Variants in CHD1L observed in about 807,000 individuals in gnomAD.
The protein encoded by CHD1L is chromodomain helicase DNA binding protein 1 like, also known as ATP-dependent chromatin remodeler CHD1L.
Under a neutral mutation model 115.9 loss-of-function variants are expected in CHD1L, and 118 were observed. The ratio of observed to expected loss-of-function variants is 1.02; its 90% CI spans 0.88 to 1.19. CHD1L has a LOEUF of 1.19. CHD1L is among the 50% of genes most tolerant of loss of function. The pLI is 0.00. For synonymous variants in CHD1L, 411 were observed against 387.1 expected, an observed-to-expected ratio of 1.06 and a Z score of -0.72; for missense variants, 1,179 against 1,065.3, an observed-to-expected ratio of 1.11 and a Z score of -1.49.
intron 6 of CHD1L, among the ~76,000 whole-genome samples, chr1:147,263,063 A>G (rs1672544217): frequency 6.6e-6 from 1 of 152,160 alleles, no homozygotes; most frequent in Non-Finnish European, 1.5e-5. Context: ...GTGTATATAC[A>G]TATGTATGTA....
intron 19 of CHD1L, among the ~76,000 whole-genome samples, chr1:147,290,126 T>A (rs1230088430): frequency 6.6e-6 from 1 of 152,150 alleles, no homozygotes; most frequent in Non-Finnish European, 1.5e-5. Flanking sequence ...GGAGTCTCAT[T>A]GTCTGGAGTG....
the CHD1L span, chr1:147,184,229 C>T: frequency 3.6e-5 from 8 of 222,282 alleles, no homozygotes; most frequent in South Asian, 8.8e-4. The surrounding 1 kb of genome is among the most constrained non-coding windows in gnomAD (Gnocchi z 4.4). Flanking sequence ...AATAACTCCA[C>T]ATTTCTTTTT....
At chr1:147,223,983 C>T in the CHD1L span, 1 of 414,088 alleles carries the variant, frequency 2.4e-6, no homozygotes, top group Admixed American at 2.7e-5. Context: ...AACACAATCA[C>T]CACCTTGGTG....
chr1:147,251,817 T>C (rs377170075), intron 1 of CHD1L, among the ~76,000 whole-genome samples: 11 of 152,192 alleles, frequency 7.2e-5, no homozygotes, highest in Non-Finnish European at 1.6e-4. Flanking sequence ...AGGCGTGAGA[T>C]ACTGTAATTT....
At chr1:147,280,357 C>G (rs1461957737) in intron 15 of CHD1L, among the ~76,000 whole-genome samples, 166 bp downstream of exon 15, 3 of 152,146 alleles carry the variant, frequency 2.0e-5, no homozygotes, top group Non-Finnish European at 4.4e-5. Flanking sequence ...GAACGTTACC[C>G]AAACTAACTG....
At chr1:147,208,731 G>A in the CHD1L span, 1 of 777,332 alleles carries the variant, frequency 1.3e-6, no homozygotes, top group East Asian at 2.6e-5. Flanking sequence ...GAGCCACCAT[G>A]CCCAGCCACT....
chr1:147,240,939 T>C (rs1451927497), upstream of CHD1L, among the ~76,000 whole-genome samples: 2 of 152,178 alleles, frequency 1.3e-5, no homozygotes, highest in Non-Finnish European at 2.9e-5. Flanking sequence ...CTCTGTATGC[T>C]GAGCGCCGGT....
Position 147,294,605 on chromosome 1 carries a change from C to T in CHD1L, c.2615+88C>T. The T allele has an allele frequency of 3.1e-6, 3 of 976,456 alleles. No individual in the cohort carries two copies. The African/African-American group carries it at 4.9e-5, about 16-fold the overall frequency. The allele number at this position is 976,456 out of a possible 1,614,324, so 60.5% of individuals were successfully genotyped here. A position where few individuals can be genotyped will look rare whatever the true frequency, so the allele number is the denominator to read the frequency against. ...CTGGTGTCAGTTCTTAATCCAAGAC[C>T]AAGTTTCTTCCTGCCACAGTCTTTA... is the stretch of plus-strand genomic sequence containing the variant. On this transcript the variant is annotated intron_variant, in intron 22 of 22. Transcript: ENST00000369258.
chr1:147,287,642 T>C lies in CHD1L; in HGVS notation c.2229T>C (p.Ser743=), dbSNP rs1553967026. Residue 743 remains serine (S), a synonymous_variant, in exon 19 of 23, where the codon TCT becomes TCC. Transcript: ENST00000369258. ...DALIVHCVDD[S]GHWGRGGLFT... is the part of the protein sequence containing the mutation. ...TTCTCTTTCTTCAAACAGATGACTC[T>C]GGCCACTGGGGCAGAGGTGGTTTAT... 1.2e-6 allele frequency: 2 copies of C among 1,613,666 alleles called. No homozygotes were observed. The highest frequency in any genetic ancestry group is 1.7e-5 in the Admixed American group (1 of 59,990).
Position 147,278,221 on chromosome 1 carries a change from G to GAT in CHD1L, c.1540-1805_1540-1804insAT, listed in dbSNP as rs1572026585. Reference sequence around the variant, plus strand: ...GATTTTTGTTTGTTTTTGTTTTTTGGGTTTTTTTTTTTTTTTTTTTTTGAG... The same window carrying GAT: ...GATTTTTGTTTGTTTTTGTTTTTTGGATGTTTTTTTTTTTTTTTTTTTTTGAG... On this transcript the variant is annotated intron_variant, in intron 14 of 22. Coordinates refer to ENST00000369258, the MANE Select transcript of CHD1L (RefSeq NM_004284.6). Among the ~76,000 whole-genome samples, 13 of 55,042 alleles carry GAT rather than the reference G, an allele frequency of 2.4e-4. No homozygotes were observed. The South Asian group carries it at 9.4e-3, about 40-fold the overall frequency. 36.1% of individuals were successfully genotyped at this position (55,042 alleles called of 152,430 possible).
chr1:147,287,527 C>A, intron 18 of CHD1L, 108 bp from the exon 19 acceptor site: 1 of 724,264 alleles, frequency 1.4e-6, no homozygotes, highest in Non-Finnish European at 2.3e-6. Flanking sequence ...TGTTTCTTCC[C>A]TTTGAAAAAT....
At chr1:147,250,156 C>T (rs1232026717) in intron 1 of CHD1L, among the ~76,000 whole-genome samples, 1 of 151,988 alleles carries the variant, frequency 6.6e-6, no homozygotes, top group Non-Finnish European at 1.5e-5. Flanking sequence ...TTCATAACTA[C>T]TTGTTGAAGC....
At position 147,266,008 on chromosome 1, in the gene CHD1L, G is replaced by T. The variant is rs1553948000; in HGVS notation, c.816G>T (p.Lys272Asn). The T allele has an allele frequency of 1.4e-5, 22 of 1,613,766 alleles. No individual in the cohort carries two copies. Among genetic ancestry groups the T allele is most frequent in the Non-Finnish European group, 1.6e-5 (19 of 1,179,872 alleles). Residue 272 changes from lysine to asparagine, a missense_variant, in exon 8 of 23, where the codon AAG becomes AAT. By Grantham distance (94) the Lys-to-Asn change is moderately conservative. Transcript: ENST00000369258. ...VKAEVATELPKKTEVVIYHGM... is the reference protein window; with the variant it reads ...VKAEVATELPNKTEVVIYHGM... ...CTGAGGTAGCTACAGAGCTTCCCAA[G>T]AAGACAGAAGTAGTGATATACCATG... is the stretch of plus-strand genomic sequence containing the variant.
At chr1:147,227,721 C>T in the CHD1L span, among the ~76,000 whole-genome samples, 2 of 152,120 alleles carry the variant, frequency 1.3e-5, no homozygotes, top group Non-Finnish European at 2.9e-5. Context: ...ACATATGAGG[C>T]TTTTGAAGGA....
the CHD1L span, chr1:147,215,778 G>T: frequency 1.9e-6 from 3 of 1,608,536 alleles, no homozygotes; most frequent in Admixed American, 5.1e-5. Context: ...ACTTTAGAAG[G>T]TCAAATTCTT....
rs887229762 is a variant in CHD1L, at chr1:147,279,942, C to T, written c.1540-84C>T. Reference sequence around the variant, plus strand: ...ATTAGAGAAGGACTGTGCCTGGTGTCGTTAATCCACTTAGCCAATCACTGA... The same window carrying T: ...ATTAGAGAAGGACTGTGCCTGGTGTTGTTAATCCACTTAGCCAATCACTGA... On this transcript the variant is annotated intron_variant, in intron 14 of 22. Transcript: ENST00000369258. 3.5e-5 allele frequency: 50 copies of T among 1,413,956 alleles called. No individual in the cohort carries two copies. In the African/African-American group the frequency reaches 5.1e-4, roughly 14 times the overall value. The allele number at this position is 1,413,956 out of a possible 1,614,324, so 87.6% of individuals were successfully genotyped here.
chr1:147,294,851 G>T (rs1479060708), intron 22 of CHD1L, among the ~76,000 whole-genome samples: 6 of 152,142 alleles, frequency 3.9e-5, no homozygotes, highest in African/African-American at 1.4e-4. Flanking sequence ...GTGGAACAAG[G>T]CTTAATTCTA....
the CHD1L span, chr1:147,174,907 G>A: frequency 3.3e-5 from 5 of 152,298 alleles, no homozygotes; most frequent in Non-Finnish European, 7.3e-5. Context: ...GGTCTCCTCA[G>A]ATCAATCATT....
the CHD1L span, chr1:147,184,764 T>C: frequency 7.0e-6 from 8 of 1,142,308 alleles, no homozygotes; most frequent in African/African-American, 9.6e-5. The surrounding 1 kb of genome is among the most constrained non-coding windows in gnomAD (Gnocchi z 4.4). Context: ...CGAGATAGTG[T>C]TTATCAGATT....
Sources: gnomAD v4.1 joint callset for allele counts (sites outside exome capture counted in the v4.1 genomes callset) on GRCh38, gnomAD v4.1.1 for gene constraint, Gnocchi (gnomAD v3.1) non-coding constraint, MANE v1.5 for transcripts, NCBI Gene and HGNC (gene_info 2026-07-23, HGNC 2026-07-21) for gene names.